Variants in RGS10 observed in about 807,000 individuals in gnomAD.
RGS10 encodes regulator of G protein signaling 10, also known as regulator of G-protein signalling 10.
A neutral mutation model predicts 23.5 loss-of-function variants in RGS10; 11 were observed. The observed-to-expected ratio is 0.47, with a 90% confidence interval of 0.29 to 0.77. The LOEUF (loss-of-function observed/expected upper bound fraction) is 0.77. Among genes scored for constraint, RGS10 ranks in the 30% least tolerant of loss-of-function variants. The pLI, the probability that RGS10 is intolerant of heterozygous loss-of-function variation, is 0.08. For missense variants in RGS10, 180 were observed against 226.3 expected, an observed-to-expected ratio of 0.80 and a Z score of 1.31; for synonymous variants, 77 against 83.2, an observed-to-expected ratio of 0.92 and a Z score of 0.41.
chr10:119,542,167 T>C (rs1589845361), intron 1 of RGS10, among the ~76,000 whole-genome samples: 1 of 151,860 alleles, frequency 6.6e-6, no homozygotes, highest in African/African-American at 2.4e-5. Flanking sequence ...GATGCCCGGG[T>C]CCAGCCGTGC....
chr10:119,529,639 A>C (rs1270083921), intron 1 of RGS10, among the ~76,000 whole-genome samples: 1 of 152,124 alleles, frequency 6.6e-6, no homozygotes, highest in Non-Finnish European at 1.5e-5. Flanking sequence ...ATGCTCAACA[A>C]ATGTGAGCTC....
chr10:119,512,299 A>G (rs1289649574), intron 4 of RGS10, among the ~76,000 whole-genome samples: 2 of 152,046 alleles, frequency 1.3e-5, no homozygotes, highest in African/African-American at 2.4e-5. Flanking sequence ...CTCAGCTTCA[A>G]TCTCCTTCAC....
chr10:119,502,657 G>A (rs1843965489), intron 4 of RGS10, among the ~76,000 whole-genome samples: 1 of 152,134 alleles, frequency 6.6e-6, no homozygotes, highest in Non-Finnish European at 1.5e-5. Context: ...GCACCGGGCT[G>A]GCAGGACTCG....
At chr10:119,535,050 C>T (rs1210489584) in intron 1 of RGS10, among the ~76,000 whole-genome samples, 2 of 152,120 alleles carry the variant, frequency 1.3e-5, no homozygotes, top group South Asian at 2.1e-4. Context: ...GGCACGGTAA[C>T]TTACAAGCGT....
intron 1 of RGS10, among the ~76,000 whole-genome samples, chr10:119,539,713 A>G (rs1017469841): frequency 3.9e-5 from 6 of 152,196 alleles, no homozygotes; most frequent in East Asian, 1.9e-4. Context: ...AACCTCAGGA[A>G]GAATAAGGAA....
At chr10:119,513,677 G>A (rs1844103612) in intron 4 of RGS10, among the ~76,000 whole-genome samples, 1 of 152,140 alleles carries the variant, frequency 6.6e-6, no homozygotes, top group Non-Finnish European at 1.5e-5. Context: ...CTACCGCATG[G>A]AGTCAGAACT....
chr10:119,506,093 C>A lies in RGS10; in HGVS notation c.400-5834G>T, dbSNP rs115383409. On this transcript the variant is annotated intron_variant, in intron 4 of 4. Coordinates refer to ENST00000369103, the MANE Select transcript of RGS10 (RefSeq NM_001005339.2). ...CTACAGACGTGCTTTTGTACCCACG[C>A]GAGGAGACAGAAAGGGGGAAGAAAG... is the stretch of plus-strand genomic sequence containing the variant. Among the ~76,000 whole-genome samples the A allele has an allele frequency of 9.3e-3, 1,410 of 152,316 alleles. 23 individuals are homozygous for A. The highest frequency in any genetic ancestry group is 0.032 in the African/African-American group (1,330 of 41,578).
intron 1 of RGS10, among the ~76,000 whole-genome samples, chr10:119,530,623 G>A (rs541055112): frequency 1.6e-4 from 25 of 152,186 alleles, no homozygotes; most frequent in Non-Finnish European, 2.9e-4. Context: ...TCAGGTGTTC[G>A]AGACCAGCCT....
At chr10:119,520,418 C>T (rs1039112201) in intron 3 of RGS10, among the ~76,000 whole-genome samples, 6 of 152,018 alleles carry the variant, frequency 3.9e-5, no homozygotes, top group African/African-American at 1.2e-4. Flanking sequence ...TTGATGAGGG[C>T]GGCAGAAAGA....
At chr10:119,503,877 C>A (rs1221407202) in intron 4 of RGS10, among the ~76,000 whole-genome samples, 3 of 152,348 alleles carry the variant, frequency 2.0e-5, no homozygotes, top group African/African-American at 4.8e-5. Flanking sequence ...ATGTTAATTA[C>A]CCCTTTAAAG....
chr10:119,511,040 A>G (rs1844071742), intron 4 of RGS10, among the ~76,000 whole-genome samples: 1 of 152,120 alleles, frequency 6.6e-6, no homozygotes, highest in Admixed American at 6.6e-5. Context: ...TTTAAAGAAG[A>G]AAAGACACTG....
rs140063580 is a variant in RGS10 at position 119,527,345 on chromosome 10, C to G, written c.129G>C (p.Glu43Asp). ...KSTAKWAASL[E>D]NLLEDPEGVK... is the part of the protein sequence containing the mutation. Reference sequence around the variant, plus strand: ...CGCCTTCTGGGTCTTCCAGCAGATTCTCCAGGGATGCCGCCCATTTGGCTG... The same window carrying G: ...CGCCTTCTGGGTCTTCCAGCAGATTGTCCAGGGATGCCGCCCATTTGGCTG... Residue 43 changes from glutamate to aspartate, a missense_variant, in exon 2 of 5, where the codon GAG becomes GAC. Physicochemically the swap from Glu to Asp is conservative, Grantham distance 45. Coordinates refer to ENST00000369103, the MANE Select transcript of RGS10 (RefSeq NM_001005339.2). The surrounding 1 kb of genome is among the most constrained non-coding windows in gnomAD (Gnocchi z 4.2). 2 of 1,614,198 alleles carry G rather than the reference C, an allele frequency of 1.2e-6. No individual in the cohort carries two copies. Among genetic ancestry groups the G allele is most frequent in the Admixed American group, 3.3e-5 (2 of 60,030 alleles).
At chr10:119,509,367 T>C (rs181694007) in intron 4 of RGS10, among the ~76,000 whole-genome samples, 179 of 152,082 alleles carry the variant, frequency 1.2e-3, no homozygotes, top group African/African-American at 4.0e-3. Flanking sequence ...GATGGGAGGA[T>C]TGCTTGAGGC....
At chr10:119,522,718 CAAAAAAAAAA>C (rs111696085) in intron 3 of RGS10, among the ~76,000 whole-genome samples, 10,608 of 114,134 alleles carry the variant, frequency 0.093, 465 homozygotes, top group South Asian at 0.19. Flanking sequence ...AACTCCGTCT[CAAAAAAAAAA>C]AAAAAAACAA....
At chr10:119,502,538 G>C (rs1843964127) in intron 4 of RGS10, among the ~76,000 whole-genome samples, 1 of 152,120 alleles carries the variant, frequency 6.6e-6, no homozygotes, top group Non-Finnish European at 1.5e-5. Context: ...TGGCTCTGAG[G>C]CTCAGACTTC....
chr10:119,536,484 C>T, intron 1 of RGS10: 1 of 1,612,628 alleles, frequency 6.2e-7, no homozygotes, highest in Non-Finnish European at 8.5e-7. Flanking sequence ...CTGGTGTCCA[C>T]CTGAGAAGTT....
rs572292923 is a variant in RGS10 at position 119,533,257 on chromosome 10, G to A, written c.50-5833C>T. Among the ~76,000 whole-genome samples, 252 of 140,606 alleles carry A rather than the reference G, an allele frequency of 1.8e-3. 1 individual carries two copies. The highest frequency in any genetic ancestry group is 6.1e-3 in the African/African-American group (228 of 37,628). 92.2% of individuals were successfully genotyped at this position (140,606 alleles called of 152,430 possible). A position where few individuals can be genotyped will look rare whatever the true frequency, so the allele number is the denominator to read the frequency against. On this transcript the variant is annotated intron_variant, in intron 1 of 4. Coordinates refer to ENST00000369103, the MANE Select transcript of RGS10 (RefSeq NM_001005339.2). ...TGAGGCAGGAGAATTGTTTGAACCC[G>A]GGAGGCGGAAGTTGCAGTGAGCTGA... is the stretch of plus-strand genomic sequence containing the variant.
At chr10:119,510,352 C>T (rs1041604051) in intron 4 of RGS10, among the ~76,000 whole-genome samples, 14 of 152,176 alleles carry the variant, frequency 9.2e-5, no homozygotes, top group African/African-American at 2.7e-4. Flanking sequence ...GCCCCTGCCT[C>T]GGGGCCTTTG....
intron 4 of RGS10, among the ~76,000 whole-genome samples, chr10:119,502,783 G>C (rs899090780): frequency 6.6e-6 from 1 of 152,170 alleles, no homozygotes; most frequent in African/African-American, 2.4e-5. Context: ...AATGCCCCAC[G>C]AGTGCAGAAG....
Sources: allele counts gnomAD v4.1 joint callset (sites outside exome capture counted in the v4.1 genomes callset), GRCh38; gene constraint gnomAD v4.1.1; non-coding constraint Gnocchi (gnomAD v3.1); transcripts MANE v1.5; gene names NCBI Gene and HGNC (gene_info 2026-07-23, HGNC 2026-07-21).